The following MAPK8IP3 variants were observed in gnomAD, a reference collection of about 807,000 sequenced individuals.
The protein encoded by MAPK8IP3 is C-Jun-amino-terminal kinase-interacting protein 3.
A neutral mutation model predicts 157.8 loss-of-function variants in MAPK8IP3; 49 were observed. That is an observed-to-expected ratio of 0.31 (90% CI 0.25 to 0.39). The LOEUF (loss-of-function observed/expected upper bound fraction) is 0.39, where lower values mean the gene tolerates loss of function less well. Among genes scored for constraint, MAPK8IP3 ranks in the 10% least tolerant of loss-of-function variants. MAPK8IP3 has a pLI of 1.00. For synonymous variants in MAPK8IP3, 897 were observed against 777.7 expected (o/e 1.15, Z -2.55); for missense variants, 1,478 against 1,889.4 (o/e 0.78, Z 4.04).
At chr16:1,762,322 G>A (rs1425524639) in intron 13 of MAPK8IP3, 29 bp from the exon 14 acceptor site, 4 of 1,550,276 alleles carry the variant, frequency 2.6e-6, no homozygotes, top group Non-Finnish European at 2.6e-6. Context: ...CCGAGGGCTG[G>A]CTGAGCCTCT....
At position 1,724,503 on chromosome 16, in the gene MAPK8IP3, G is replaced by T. The variant is rs761636160; in HGVS notation, c.319-54G>T. 7.6e-6 allele frequency: 12 copies of T among 1,583,366 alleles called. No individual in the cohort carries two copies. In the Middle Eastern group the frequency reaches 1.2e-3, roughly 164 times the overall value. On this transcript the variant is annotated intron_variant, in intron 1 of 31. Coordinates refer to ENST00000610761, the MANE Select transcript of MAPK8IP3 (RefSeq NM_001318852.2). The surrounding 1 kb of genome is among the most constrained non-coding windows in gnomAD (Gnocchi z 4.1). ...GCCTGCGGCCCTTCAAGTGAAAGGC[G>T]GCTGCTCCACACTCACTCCTGATGA...
intron 1 of MAPK8IP3, among the ~76,000 whole-genome samples, chr16:1,719,586 A>G (rs574760496): frequency 1.5e-4 from 23 of 150,418 alleles, no homozygotes; most frequent in Non-Finnish European, 2.7e-4. Context: ...TGTAATCCCA[A>G]TACTCTGGGA....
At chr16:1,729,723 G>A (rs2039166109) in intron 4 of MAPK8IP3, 145 bp downstream of exon 4, 2 of 804,086 alleles carry the variant, frequency 2.5e-6, no homozygotes, top group Non-Finnish European at 4.0e-6. Context: ...GACCCAGGAG[G>A]AGGGAGCTGG....
rs2042460605 is a variant in MAPK8IP3, at chr16:1,769,042, CTCTCGGGACAGTT to C, written c.*221_*233del. 1.7e-6 allele frequency: 1 copy of C among 596,492 alleles called. No individual in the cohort carries two copies. The highest frequency in any genetic ancestry group is 1.9e-5 in the African/African-American group (1 of 53,586). 36.9% of individuals were successfully genotyped at this position (596,492 alleles called of 1,614,324 possible). A position where few individuals can be genotyped will look rare whatever the true frequency, so the allele number is the denominator to read the frequency against. On this transcript the variant is annotated 3_prime_UTR_variant, in exon 32 of 32. Coordinates refer to ENST00000610761, the MANE Select transcript of MAPK8IP3 (RefSeq NM_001318852.2). ...GGAACTTCCACCCGAGGGGAAGATG[CTCTCGGGACAGTT>C]TCCCGGGCAGCTCCTGGCCAGCTTC...
rs2042312986 is a variant in MAPK8IP3 at position 1,767,065 on chromosome 16, T to G, written c.3089-84T>G. On this transcript the variant is annotated intron_variant, in intron 25 of 31. Coordinates refer to ENST00000610761, the MANE Select transcript of MAPK8IP3 (RefSeq NM_001318852.2). ...CCCGGGGTTCCAGGCCTCTCCTTAG[T>G]CTGGCAGTGGGTGTCTCAACCCGAT... The G allele has an allele frequency of 3.8e-6, 6 of 1,583,760 alleles. No individual in the cohort carries two copies. The African/African-American group carries it at 8.1e-5, about 21-fold the overall frequency.
At chr16:1,752,088 C>A (rs2041322368) in intron 8 of MAPK8IP3, 1 of 152,586 alleles carries the variant, frequency 6.6e-6, no homozygotes, top group African/African-American at 2.4e-5. Flanking sequence ...GCGCATCCGC[C>A]CATCCTGTTG....
chr16:1,759,035 A>AC lies in MAPK8IP3; in HGVS notation c.1246+44dup, dbSNP rs777251803. 4 of 1,611,784 alleles carry AC rather than the reference A, an allele frequency of 2.5e-6. No homozygotes were observed. In the Admixed American group the frequency reaches 6.7e-5, roughly 27 times the overall value. ...CCGTTCCAGCGTGCGTCGCTCCTCCACCCCGACATGGTCTCCTGCTTCATG... is the reference window on the plus strand; with the variant it reads ...CCGTTCCAGCGTGCGTCGCTCCTCCACCCCCGACATGGTCTCCTGCTTCATG... On this transcript the variant is annotated intron_variant, in intron 10 of 31. Coordinates refer to ENST00000610761, the MANE Select transcript of MAPK8IP3 (RefSeq NM_001318852.2).
At chr16:1,754,570 G>A (rs997102786) in intron 8 of MAPK8IP3, among the ~76,000 whole-genome samples, 4 of 152,100 alleles carry the variant, frequency 2.6e-5, no homozygotes, top group Admixed American at 6.5e-5. Context: ...TCAGGAGTTC[G>A]AGACCACTCT....
chr16:1,746,350 C>T (rs1053052911), intron 5 of MAPK8IP3: 1 of 152,214 alleles, frequency 6.6e-6, no homozygotes, highest in Admixed American at 6.5e-5. Context: ...CTGAGGTAGA[C>T]GGCTGGTTGC....
intron 2 of MAPK8IP3, among the ~76,000 whole-genome samples, chr16:1,725,790 C>T (rs1034364376): frequency 1.3e-4 from 19 of 151,878 alleles, no homozygotes; most frequent in African/African-American, 3.9e-4. Flanking sequence ...CTCTGCCTCC[C>T]GGGTTCAAGT....
At chr16:1,729,345 C>G (rs941018432) in intron 3 of MAPK8IP3, 137 bp downstream of exon 3, 5 of 1,264,350 alleles carry the variant, frequency 4.0e-6, no homozygotes, top group Non-Finnish European at 5.6e-6. Context: ...TGAAGGCTGT[C>G]AGCCCCAGGC....
At chr16:1,744,550 G>A in intron 5 of MAPK8IP3, 1 of 985,588 alleles carries the variant, frequency 1.0e-6, no homozygotes, top group Non-Finnish European at 1.2e-6. Flanking sequence ...GGCTCCCCGG[G>A]CCTTCTGGGC....
In MAPK8IP3 at chr16:1,738,995, CGT is replaced by C. The variant is rs374841262; in HGVS notation, c.603-4329_603-4328del. 6.7e-3 allele frequency among the ~76,000 whole-genome samples: 816 copies of C among 121,040 alleles called. 6 individuals carry two copies. Among genetic ancestry groups the C allele is most frequent in the Non-Finnish European group, 7.0e-3 (420 of 60,106 alleles). The allele number at this position is 121,040 out of a possible 152,430, so 79.4% of individuals were successfully genotyped here. On this transcript the variant is annotated intron_variant, in intron 4 of 31. Coordinates refer to ENST00000610761, the MANE Select transcript of MAPK8IP3 (RefSeq NM_001318852.2). The stretch of plus-strand genomic sequence containing the variant: ...CCGTCCGTGTGAGCATGTGAGCATC[CGT>C]GTGTGTGACCATCCATGTGAGCATC...
Position 1,768,928 on chromosome 16 carries a change from C to G in MAPK8IP3, c.*104C>G, listed in dbSNP as rs566226992. The G allele has an allele frequency of 1.0e-3, 1,404 of 1,340,276 alleles. 2 individuals are homozygous for G. The highest frequency in any genetic ancestry group is 1.4e-3 in the Non-Finnish European group (1,353 of 975,726). The allele number at this position is 1,340,276 out of a possible 1,614,324, so 83.0% of individuals were successfully genotyped here. A position where few individuals can be genotyped will look rare whatever the true frequency, so the allele number is the denominator to read the frequency against. ...CCAGGCGCCGCCGCCCCTCTTCTAA[C>G]CTCTCAACCTGCAGCTTTCACCTGA... is the stretch of plus-strand genomic sequence containing the variant. On this transcript the variant is annotated 3_prime_UTR_variant, in exon 32 of 32. Coordinates refer to ENST00000610761, the MANE Select transcript of MAPK8IP3 (RefSeq NM_001318852.2).
At chr16:1,738,316 G>A in intron 4 of MAPK8IP3, among the ~76,000 whole-genome samples, 1 of 99,614 alleles carries the variant, frequency 1.0e-5, no homozygotes, top group Middle Eastern at 5.1e-3. Context: ...GACCGTCCGT[G>A]TGAGCATCCG....
At chr16:1,744,503 C>T in intron 5 of MAPK8IP3, 5 of 985,670 alleles carry the variant, frequency 5.1e-6, no homozygotes, top group Non-Finnish European at 6.0e-6. Context: ...CCTGTCCTCC[C>T]TGTGCTCAGG....
chr16:1,737,254 G>C (rs539757099), intron 4 of MAPK8IP3, among the ~76,000 whole-genome samples: 1 of 100,858 alleles, frequency 9.9e-6, no homozygotes, highest in Admixed American at 1.0e-4. Context: ...GACCGTGTGA[G>C]CGTCCGTGTG....
chr16:1,751,639 C>G lies in MAPK8IP3; in HGVS notation c.1216+2919C>G, dbSNP rs113866601. ...ACTTACGGTGTACAGTCCAGTGGGT[C>G]TTAGCATGCTCGGTGTTGACAGTCA... On this transcript the variant is annotated intron_variant, in intron 8 of 31. Transcript: ENST00000610761. The surrounding 1 kb of genome is among the most constrained non-coding windows in gnomAD (Gnocchi z 5.0). 2.0e-5 allele frequency: 3 copies of G among 152,322 alleles called. No individual in the cohort carries two copies. Among genetic ancestry groups the G allele is most frequent in the South Asian group, 2.1e-4 (1 of 4,824 alleles). The allele number at this position is 152,322 out of a possible 1,614,324, so 9.4% of individuals were successfully genotyped here.
intron 8 of MAPK8IP3, among the ~76,000 whole-genome samples, chr16:1,757,296 G>T (rs944756644): frequency 1.2e-4 from 19 of 152,100 alleles, no homozygotes; most frequent in African/African-American, 3.9e-4. Flanking sequence ...AGTAGAGACG[G>T]GGTTTCACCG....
Sources: allele counts gnomAD v4.1 joint callset (sites outside exome capture counted in the v4.1 genomes callset), GRCh38; gene constraint gnomAD v4.1.1; non-coding constraint Gnocchi (gnomAD v3.1); transcripts MANE v1.5; gene names NCBI Gene and HGNC (gene_info 2026-07-23, HGNC 2026-07-21).